RBFOX1: variants seen among roughly 807,000 people sequenced by gnomAD.
RBFOX1 encodes RNA binding fox-1 homolog 1, also known as RNA binding protein fox-1 homolog 1.
RBFOX1 carries 8 observed loss-of-function variants against 57.7 expected under a neutral mutation model. The observed-to-expected ratio is 0.14, with a 90% CI of 0.08 to 0.25. RBFOX1 has a LOEUF of 0.25. RBFOX1 is among the 10% of genes least tolerant of loss of function. The pLI is 1.00. For missense variants in RBFOX1, 611 were observed against 548.5 expected (o/e 1.11, Z -1.14); for synonymous variants, 326 against 222.4 (o/e 1.47, Z -4.15).
At chr16:7,073,019 T>C (rs536580711) in intron 4 of RBFOX1, among the ~76,000 whole-genome samples, 1 of 152,190 alleles carries the variant, frequency 6.6e-6, no homozygotes, top group Admixed American at 6.5e-5. Context: ...TTGTGAGTCC[T>C]CACAGGGAGG....
chr16:7,406,703 G>A (rs898793539), intron 4 of RBFOX1, among the ~76,000 whole-genome samples: 2 of 152,170 alleles, frequency 1.3e-5, no homozygotes, highest in Admixed American at 1.3e-4. Flanking sequence ...TACTGCTTTG[G>A]CAAATTACTA....
At chr16:7,198,230 C>G (rs1567671015) in intron 4 of RBFOX1, among the ~76,000 whole-genome samples, 1 of 151,996 alleles carries the variant, frequency 6.6e-6, no homozygotes, top group Non-Finnish European at 1.5e-5. Context: ...TGTTTTCAAT[C>G]TCCTAACGTC....
intron 2 of RBFOX1, among the ~76,000 whole-genome samples, chr16:6,359,718 C>T (rs534982900): frequency 1.6e-4 from 24 of 152,224 alleles, no homozygotes; most frequent in Admixed American, 7.2e-4. Flanking sequence ...CTGTCTTCCA[C>T]GAAGGGATCA....
intron 3 of RBFOX1, among the ~76,000 whole-genome samples, chr16:6,852,130 T>C (rs2094105414): frequency 6.6e-6 from 1 of 152,062 alleles, no homozygotes. Flanking sequence ...ATTTATTATC[T>C]AACAGTTTTG....
chr16:6,654,925 ATACTT>A (rs2098635994), intron 3 of RBFOX1, among the ~76,000 whole-genome samples: 1 of 152,136 alleles, frequency 6.6e-6, no homozygotes, highest in East Asian at 1.9e-4. Flanking sequence ...TTTCAGGAAA[ATACTT>A]TAACACTTGT....
chr16:5,287,620 A>T (rs1029658281), intron 1 of RBFOX1, among the ~76,000 whole-genome samples: 3 of 152,178 alleles, frequency 2.0e-5, no homozygotes, highest in Non-Finnish European at 2.9e-5. Flanking sequence ...TGGCATGAGC[A>T]TGTCTGGGAA....
At chr16:6,815,910 A>C (rs193182225) in intron 3 of RBFOX1, among the ~76,000 whole-genome samples, 1 of 152,380 alleles carries the variant, frequency 6.6e-6, no homozygotes, top group Admixed American at 6.5e-5. Flanking sequence ...CCACTGAAGG[A>C]AAGAAAGGAC....
intron 10 of RBFOX1, chr16:7,614,236 TC>T (rs1429566426): frequency 6.6e-6 from 1 of 152,138 alleles, no homozygotes; most frequent in Non-Finnish European, 1.5e-5. Flanking sequence ...CAGATTTAAG[TC>T]CCCGAGCAAA....
intron 4 of RBFOX1, among the ~76,000 whole-genome samples, chr16:7,241,489 G>A (rs2094056588): frequency 6.6e-6 from 1 of 152,100 alleles, no homozygotes. Context: ...AATGTTTCTT[G>A]AAACAGGACA....
chr16:6,557,356 T>C (rs2097119866), intron 2 of RBFOX1, among the ~76,000 whole-genome samples: 1 of 151,894 alleles, frequency 6.6e-6, no homozygotes, highest in South Asian at 2.1e-4. Flanking sequence ...TGAAAATAAT[T>C]GCTAAGAATT....
chr16:7,024,256 A>C (rs942537003), intron 3 of RBFOX1, among the ~76,000 whole-genome samples: 8 of 152,184 alleles, frequency 5.3e-5, no homozygotes, highest in Non-Finnish European at 7.3e-5. Context: ...ACATGAATGC[A>C]CAGAGACATG....
At chr16:5,715,366 A>G (rs1448193131) in intron 3 of RBFOX1, among the ~76,000 whole-genome samples, 1 of 152,194 alleles carries the variant, frequency 6.6e-6, no homozygotes, top group Non-Finnish European at 1.5e-5. Context: ...TGTCCCTACC[A>G]TATATTGTCC....
intron 4 of RBFOX1, among the ~76,000 whole-genome samples, chr16:7,132,101 C>T (rs369859673): frequency 1.3e-3 from 200 of 150,920 alleles, no homozygotes; most frequent in African/African-American, 4.3e-3. Context: ...AAGCAATTCT[C>T]CTGACTCAGG....
chr16:5,379,635 C>G (rs1197373787), intron 1 of RBFOX1, among the ~76,000 whole-genome samples: 2 of 152,168 alleles, frequency 1.3e-5, no homozygotes, highest in Admixed American at 6.5e-5. Flanking sequence ...TCTCCATGAG[C>G]TCCAGCCACC....
chr16:5,964,954 G>T (rs997153540), intron 4 of RBFOX1, among the ~76,000 whole-genome samples: 3 of 152,110 alleles, frequency 2.0e-5, no homozygotes, highest in African/African-American at 4.8e-5. Flanking sequence ...ATTATATTCA[G>T]TCTTAAAAAG....
At chr16:7,414,829 G>T (rs1254808400) in intron 4 of RBFOX1, among the ~76,000 whole-genome samples, 1 of 152,150 alleles carries the variant, frequency 6.6e-6, no homozygotes, top group Non-Finnish European at 1.5e-5. Flanking sequence ...TGTTAGCCAG[G>T]CTGGTCTTGA....
chr16:6,273,783 T>C (rs2075496269), intron 1 of RBFOX1, among the ~76,000 whole-genome samples: 1 of 152,080 alleles, frequency 6.6e-6, no homozygotes, highest in Admixed American at 6.6e-5. Context: ...GCTTCAGACT[T>C]AGAGGAAACT....
intron 3 of RBFOX1, among the ~76,000 whole-genome samples, chr16:7,000,586 CTTTTTCTTTCTTTT>C (rs2092693077): frequency 1.0e-5 from 1 of 95,846 alleles, no homozygotes; most frequent in Admixed American, 1.3e-4. Context: ...TTTTTTCTTT[CTTTTTCTTTCTTTT>C]TTTTTTTTTT....
At chr16:7,419,645 A>T (rs8044832) in intron 4 of RBFOX1, among the ~76,000 whole-genome samples, 2,005 of 152,140 alleles carry the variant, frequency 0.013, 22 homozygotes, top group Non-Finnish European at 0.019. Flanking sequence ...CCTCAGGGAC[A>T]TGACAGTTCT....
Sources: allele counts gnomAD v4.1 joint callset (sites outside exome capture counted in the v4.1 genomes callset), GRCh38; gene constraint gnomAD v4.1.1; transcripts MANE v1.5; gene names NCBI Gene and HGNC (gene_info 2026-07-23, HGNC 2026-07-21).